Variants in MARCHF1 observed in about 807,000 individuals in gnomAD.
MARCHF1 encodes E3 ubiquitin-protein ligase MARCHF1.
In MARCHF1, 40 loss-of-function variants were observed where a neutral mutation model predicts 54.2. The ratio of observed to expected loss-of-function variants is 0.74; its 90% CI spans 0.57 to 0.96. The LOEUF is 0.96. Among genes scored for constraint, MARCHF1 ranks in the 40% least tolerant of loss-of-function variants. MARCHF1 has a pLI of 0.00. For missense variants in MARCHF1, 586 were observed against 656.5 expected (o/e 0.89, Z 1.17); for synonymous variants, 236 against 236.3 (o/e 1.00, Z 0.01).
intron 3 of MARCHF1, among the ~76,000 whole-genome samples, chr4:163,936,387 T>C (rs988077622): frequency 4.6e-5 from 7 of 152,298 alleles, no homozygotes; most frequent in East Asian, 1.9e-4. Context: ...CAAAATTGCA[T>C]TGTGAAACAC....
intron 1 of MARCHF1, among the ~76,000 whole-genome samples, chr4:164,311,757 T>C (rs1191192164): frequency 6.6e-6 from 1 of 152,178 alleles, no homozygotes; most frequent in Non-Finnish European, 1.5e-5. Context: ...TCAGGTGTGT[T>C]TCACATAAGA....
intron 1 of MARCHF1, among the ~76,000 whole-genome samples, chr4:164,161,548 G>T (rs3059778): frequency 0.63 from 76,180 of 120,196 alleles, 21,348 homozygotes; most frequent in Non-Finnish European, 0.72. Flanking sequence ...ATCATCATCA[G>T]CAGCAGCAGC....
At chr4:163,707,144 A>C (rs1361823892) in intron 4 of MARCHF1, among the ~76,000 whole-genome samples, 2 of 152,108 alleles carry the variant, frequency 1.3e-5, no homozygotes, top group African/African-American at 2.4e-5. Flanking sequence ...CTTTGAAATA[A>C]GTCTAAATTA....
chr4:163,754,560 C>T (rs1746611080), intron 4 of MARCHF1, among the ~76,000 whole-genome samples: 1 of 152,150 alleles, frequency 6.6e-6, no homozygotes, highest in African/African-American at 2.4e-5. Context: ...ATGTAGATTA[C>T]TCAGATTACT....
At chr4:163,833,188 C>A (rs1023710684) in intron 4 of MARCHF1, among the ~76,000 whole-genome samples, 6 of 152,242 alleles carry the variant, frequency 3.9e-5, no homozygotes, top group African/African-American at 1.4e-4. Flanking sequence ...AATGGTTGAA[C>A]TAGTTTACAG....
intron 1 of MARCHF1, among the ~76,000 whole-genome samples, chr4:164,206,502 A>AT (rs1476592892): frequency 6.6e-6 from 1 of 152,136 alleles, no homozygotes; most frequent in Non-Finnish European, 1.5e-5. Flanking sequence ...CTATTTTTTA[A>AT]TTTTTTTATT....
intron 2 of MARCHF1, among the ~76,000 whole-genome samples, chr4:164,091,022 T>C (rs923763808): frequency 6.6e-6 from 1 of 152,084 alleles, no homozygotes; most frequent in African/African-American, 2.4e-5. Context: ...TAGGAGAATC[T>C]CTGGCCTCAA....
chr4:163,742,688 G>T (rs1279246273), intron 4 of MARCHF1, among the ~76,000 whole-genome samples: 1 of 151,898 alleles, frequency 6.6e-6, no homozygotes, highest in African/African-American at 2.4e-5. Context: ...ATGTTGTCCA[G>T]GTTAGTCTCG....
chr4:163,887,096 C>A (rs1750554817), intron 3 of MARCHF1, among the ~76,000 whole-genome samples: 1 of 152,038 alleles, frequency 6.6e-6, no homozygotes, highest in Non-Finnish European at 1.5e-5. Context: ...GATATATTCT[C>A]TACCTTTAGA....
At chr4:164,018,486 A>G (rs1349987869) in intron 2 of MARCHF1, among the ~76,000 whole-genome samples, 1 of 151,992 alleles carries the variant, frequency 6.6e-6, no homozygotes, top group African/African-American at 2.4e-5. Context: ...ATCACTCAAT[A>G]ATAGGAAGAC....
At chr4:164,121,826 C>G (rs1011988436) in intron 1 of MARCHF1, among the ~76,000 whole-genome samples, 14 of 152,042 alleles carry the variant, frequency 9.2e-5, no homozygotes, top group Admixed American at 8.5e-4. Flanking sequence ...GGAGAGATTA[C>G]TTCCAAATTC....
chr4:163,529,569 G>A (rs757005171), intron 9 of MARCHF1, among the ~76,000 whole-genome samples: 19 of 151,918 alleles, frequency 1.3e-4, no homozygotes, highest in Non-Finnish European at 2.6e-4. Flanking sequence ...GGGAGGGGAA[G>A]GAAAAAGCTG....
intron 3 of MARCHF1, among the ~76,000 whole-genome samples, chr4:163,918,317 T>TGCCTG (rs1751354079): frequency 6.6e-6 from 1 of 152,144 alleles, no homozygotes; most frequent in Admixed American, 6.6e-5. Context: ...AAATTCTTTA[T>TGCCTG]TAGATGTATG....
intron 3 of MARCHF1, among the ~76,000 whole-genome samples, chr4:163,888,011 T>C (rs1321261583): frequency 6.6e-6 from 1 of 152,186 alleles, no homozygotes; most frequent in Non-Finnish European, 1.5e-5. Flanking sequence ...ATGCTTATTC[T>C]TGGCTGATGT....
intron 3 of MARCHF1, among the ~76,000 whole-genome samples, chr4:163,905,882 T>C (rs1057390926): frequency 3.3e-5 from 5 of 152,024 alleles, no homozygotes; most frequent in African/African-American, 1.2e-4. Flanking sequence ...ATACAGTCAG[T>C]TTAACTAGTT....
At chr4:164,105,903 T>G (rs1755685194) in intron 2 of MARCHF1, among the ~76,000 whole-genome samples, 1 of 147,818 alleles carries the variant, frequency 6.8e-6, no homozygotes, top group Admixed American at 6.7e-5. Flanking sequence ...TACAATGAAC[T>G]CAAACAAATT....
intron 1 of MARCHF1, among the ~76,000 whole-genome samples, chr4:164,245,775 C>T (rs1254408666): frequency 7.5e-6 from 1 of 133,030 alleles, no homozygotes; most frequent in African/African-American, 2.8e-5. Flanking sequence ...AATCAATGTA[C>T]AAAAATCACA....
intron 1 of MARCHF1, among the ~76,000 whole-genome samples, chr4:164,293,045 C>A (rs1734322418): frequency 6.6e-6 from 1 of 152,098 alleles, no homozygotes; most frequent in Admixed American, 6.6e-5. Flanking sequence ...TCTTCTTGCT[C>A]TTCTTACCAA....
intron 5 of MARCHF1, among the ~76,000 whole-genome samples, chr4:163,687,555 T>A (rs1455712209): frequency 6.6e-6 from 1 of 152,180 alleles, no homozygotes; most frequent in East Asian, 1.9e-4. Context: ...ATTAAAGGCC[T>A]GTGATGAACC....
Sources: allele counts gnomAD v4.1 joint callset (sites outside exome capture counted in the v4.1 genomes callset), GRCh38; gene constraint gnomAD v4.1.1; transcripts MANE v1.5; gene names NCBI Gene and HGNC (gene_info 2026-07-23, HGNC 2026-07-21).